RORA: variants seen among roughly 807,000 people sequenced by gnomAD.
RORA encodes RAR related orphan receptor A.
Under a neutral mutation model 69.5 loss-of-function variants are expected in RORA, and 7 were observed. The ratio of observed to expected loss-of-function variants is 0.10; its 90% CI spans 0.06 to 0.19. The LOEUF is 0.19. RORA is among the 10% of genes least tolerant of loss of function. The pLI is 1.00. For missense variants in RORA, 457 were observed against 663.0 expected (o/e 0.69, Z 3.41); for synonymous variants, 261 against 240.8 (o/e 1.08, Z -0.78).
At chr15:61,191,635 G>A (rs2079801356) in intron 1 of RORA, among the ~76,000 whole-genome samples, 1 of 152,134 alleles carries the variant, frequency 6.6e-6, no homozygotes, top group East Asian at 1.9e-4. Flanking sequence ...ATGGAATTGA[G>A]ACACTGACTG....
intron 2 of RORA, among the ~76,000 whole-genome samples, chr15:60,641,146 C>T (rs1345613903): frequency 1.3e-5 from 2 of 152,004 alleles, no homozygotes; most frequent in Non-Finnish European, 2.9e-5. Flanking sequence ...GAGATGGGGT[C>T]TCGCCACATT....
chr15:60,822,486 C>G (rs1380055357), intron 1 of RORA, among the ~76,000 whole-genome samples: 1 of 152,214 alleles, frequency 6.6e-6, no homozygotes, highest in African/African-American at 2.4e-5. Context: ...AAATGCAAGG[C>G]AAGCAGGTCC....
In RORA at chr15:61,209,373, G is replaced by C. The variant is rs940564054; in HGVS notation, c.166+19680C>G. Among the ~76,000 whole-genome samples, 3 of 152,020 alleles carry C rather than the reference G, an allele frequency of 2.0e-5. No individual in the cohort carries two copies. In the East Asian group the frequency reaches 5.8e-4, roughly 29 times the overall value. On this transcript the variant is annotated intron_variant, in intron 1 of 10. Coordinates refer to ENST00000335670, the MANE Select transcript of RORA (RefSeq NM_134261.3). ...ATTTCAAACAGTACAGGAATAGGAA[G>C]AGAGGTGACCATGCCTAAGATAAAA...
At position 60,905,026 on chromosome 15, in the gene RORA, C is replaced by T. The variant is rs969300701; in HGVS notation, c.167-226340G>A. Among the ~76,000 whole-genome samples the T allele has an allele frequency of 6.6e-6, 1 of 152,110 alleles. No homozygotes were observed. The highest frequency in any genetic ancestry group is 1.5e-5 in the Non-Finnish European group (1 of 68,020). On this transcript the variant is annotated intron_variant, in intron 1 of 10. Coordinates refer to ENST00000335670, the MANE Select transcript of RORA (RefSeq NM_134261.3). This position sits in a 1 kb window ranked among gnomAD's most constrained non-coding sequence, Gnocchi z 4.8. ...TTGGGATGAGCTGCATGAAGGACTG[C>T]ATTACCTGAACAAACGGGTGAGGGC...
intron 2 of RORA, among the ~76,000 whole-genome samples, chr15:60,544,438 C>A (rs1406566387): frequency 6.6e-6 from 1 of 152,064 alleles, no homozygotes; most frequent in Non-Finnish European, 1.5e-5. Context: ...GCTAGAACAC[C>A]GTTTTTATAC....
At chr15:60,797,482 T>G (rs2072514976) in intron 1 of RORA, among the ~76,000 whole-genome samples, 1 of 152,144 alleles carries the variant, frequency 6.6e-6, no homozygotes, top group Non-Finnish European at 1.5e-5. Flanking sequence ...GTCTTTTCCT[T>G]ACAAACAGGA....
chr15:60,958,548 C>A (rs1375756472), intron 1 of RORA, among the ~76,000 whole-genome samples: 1 of 152,146 alleles, frequency 6.6e-6, no homozygotes, highest in Non-Finnish European at 1.5e-5. Flanking sequence ...CCCAACCACT[C>A]TGGGAGGCTG....
chr15:60,678,585 T>TC (rs953910610), intron 2 of RORA, 72 bp downstream of exon 2: 20 of 1,141,238 alleles, frequency 1.8e-5, no homozygotes, highest in Non-Finnish European at 2.4e-5. Context: ...ACTTGAAGGG[T>TC]CACAGCAGCC....
intron 1 of RORA, among the ~76,000 whole-genome samples, chr15:61,113,839 T>A (rs2079028357): frequency 6.6e-6 from 1 of 152,222 alleles, no homozygotes. Flanking sequence ...AAAATCAACG[T>A]CCTTGTTATC....
chr15:60,505,466 A>G (rs1177123939), intron 6 of RORA, 42 bp downstream of exon 6: 7 of 1,606,404 alleles, frequency 4.4e-6, no homozygotes, highest in Non-Finnish European at 6.0e-6. Context: ...ACCCTTCCCA[A>G]TATTGCCTCA....
At chr15:60,901,297 G>C (rs1214972067) in intron 1 of RORA, among the ~76,000 whole-genome samples, 12 of 151,992 alleles carry the variant, frequency 7.9e-5, no homozygotes, top group Admixed American at 7.9e-4. Flanking sequence ...TCAACCTCCT[G>C]AGTAGCTGGG....
Position 60,799,478 on chromosome 15 carries a change from A to G in RORA, c.167-120792T>C, listed in dbSNP as rs963659831. ...GGCTGTTGCTGTCTGGCACGTCTTT[A>G]TAAGAGTTAGATGTTGATACACATC... On this transcript the variant is annotated intron_variant, in intron 1 of 10. Transcript: ENST00000335670. Among the ~76,000 whole-genome samples, 79 of 152,166 alleles carry G rather than the reference A, an allele frequency of 5.2e-4. 5 individuals are homozygous for G. The highest frequency in any genetic ancestry group is 1.3e-4 in the Non-Finnish European group (9 of 68,028).
chr15:61,039,637 C>T (rs2140465527), intron 1 of RORA, among the ~76,000 whole-genome samples: 1 of 150,892 alleles, frequency 6.6e-6, no homozygotes, highest in Middle Eastern at 3.4e-3. Context: ...CCCAGCTACT[C>T]AGGAAGCTGA....
intron 1 of RORA, among the ~76,000 whole-genome samples, chr15:60,988,892 C>A (rs1894288618): frequency 7.2e-6 from 1 of 138,096 alleles, no homozygotes; most frequent in South Asian, 2.3e-4. Context: ...TTCTTTTACA[C>A]CGAAGGAAAG....
intron 1 of RORA, among the ~76,000 whole-genome samples, chr15:60,701,273 A>G (rs2140791681): frequency 6.6e-6 from 1 of 152,342 alleles, no homozygotes; most frequent in Non-Finnish European, 1.5e-5. Flanking sequence ...TATTTGCTGA[A>G]TGAATCAAAT....
At chr15:60,720,211 G>A (rs553967050) in intron 1 of RORA, among the ~76,000 whole-genome samples, 3 of 152,230 alleles carry the variant, frequency 2.0e-5, no homozygotes, top group Admixed American at 6.5e-5. Flanking sequence ...ACCCATGAAG[G>A]TCTCTTGAGT....
intron 1 of RORA, among the ~76,000 whole-genome samples, chr15:61,120,093 G>A (rs888929177): frequency 6.6e-6 from 1 of 152,180 alleles, no homozygotes; most frequent in African/African-American, 2.4e-5. Context: ...TGCTTGGGCT[G>A]TGGTTCTCAG....
At chr15:61,221,890 T>A (rs771679047) in intron 1 of RORA, among the ~76,000 whole-genome samples, 2 of 151,276 alleles carry the variant, frequency 1.3e-5, no homozygotes, top group African/African-American at 2.4e-5. Context: ...GGTGCAGTAG[T>A]ACATGCCTGT....
At chr15:61,051,788 G>A (rs2078018392) in intron 1 of RORA, among the ~76,000 whole-genome samples, 2 of 152,158 alleles carry the variant, frequency 1.3e-5, no homozygotes, top group Non-Finnish European at 2.9e-5. Context: ...ATTTCTTGTG[G>A]CCTCACTGAC....
Sources: gnomAD v4.1 joint callset for allele counts (sites outside exome capture counted in the v4.1 genomes callset) on GRCh38, gnomAD v4.1.1 for gene constraint, Gnocchi (gnomAD v3.1) non-coding constraint, MANE v1.5 for transcripts, NCBI Gene and HGNC (gene_info 2026-07-23, HGNC 2026-07-21) for gene names.